The following AGXT2 variants were observed in gnomAD, a reference collection of about 807,000 sequenced individuals.
AGXT2 encodes alanine--glyoxylate aminotransferase 2, mitochondrial.
In AGXT2, 61 loss-of-function variants were observed where a neutral mutation model predicts 62.5. The observed-to-expected ratio is 0.98, with a 90% CI of 0.79 to 1.21. AGXT2 has a LOEUF of 1.21. Ranked by LOEUF, AGXT2 falls within the 50% of genes most tolerant of loss-of-function variation. The pLI, the probability that AGXT2 is intolerant of heterozygous loss-of-function variation, is 0.00. For missense variants in AGXT2, 666 were observed against 641.5 expected, an observed-to-expected ratio of 1.04 and a Z score of -0.41; for synonymous variants, 243 against 218.7, an observed-to-expected ratio of 1.11 and a Z score of -0.98.
intron 7 of AGXT2, among the ~76,000 whole-genome samples, chr5:35,030,062 T>G (rs1767503478): frequency 6.6e-6 from 1 of 152,216 alleles, no homozygotes; most frequent in Admixed American, 6.5e-5. Flanking sequence ...GTTTGGATGC[T>G]TTTGTAAACA....
rs548909076 is a variant in AGXT2 at position 35,021,664 on chromosome 5, C to G, written c.963+4099G>C. Among the ~76,000 whole-genome samples, 30 of 152,240 alleles carry G rather than the reference C, an allele frequency of 2.0e-4. No homozygotes were observed. In the East Asian group the frequency reaches 5.4e-3, roughly 27 times the overall value. On this transcript the variant is annotated intron_variant, in intron 9 of 13. Coordinates refer to ENST00000231420, the MANE Select transcript of AGXT2 (RefSeq NM_031900.4). ...TTACCATTCAGGACACAGGCATGGG[C>G]AAGGACTTCATGTCTAAAACGCCAA...
At chr5:35,020,115 A>G (rs966496933) in intron 9 of AGXT2, among the ~76,000 whole-genome samples, 1 of 152,168 alleles carries the variant, frequency 6.6e-6, no homozygotes, top group Admixed American at 6.5e-5. Context: ...CAGGACCAGA[A>G]GGATTCACAG....
At chr5:35,033,038 A>T in intron 6 of AGXT2, 1 of 561,704 alleles carries the variant, frequency 1.8e-6, no homozygotes, top group Non-Finnish European at 3.2e-6. Flanking sequence ...ACTGATTTCA[A>T]TGTTAGCCTG....
At position 35,039,316 on chromosome 5, in the gene AGXT2, A is replaced by T. The variant is rs752925457; in HGVS notation, c.362+8T>A. 1.9e-6 allele frequency: 3 copies of T among 1,613,504 alleles called. No homozygotes were observed. In the African/African-American group the frequency reaches 4.0e-5, roughly 22 times the overall value. ...GAATAAAAATCTCCAGATTTTAAGGATACTCACGGGTGGCAATGGCCAACA... is the reference window on the plus strand; with the variant it reads ...GAATAAAAATCTCCAGATTTTAAGGTTACTCACGGGTGGCAATGGCCAACA... On this transcript the variant is annotated splice_region_variant and intron_variant, in intron 3 of 13. Transcript: ENST00000231420.
chr5:35,034,547 G>A (rs1767696074), intron 5 of AGXT2, among the ~76,000 whole-genome samples: 1 of 152,160 alleles, frequency 6.6e-6, no homozygotes, highest in African/African-American at 2.4e-5. Flanking sequence ...AGCCACTCCT[G>A]TCTTTTACAT....
chr5:35,005,419 G>A (rs1470070630), intron 12 of AGXT2, among the ~76,000 whole-genome samples: 1 of 152,086 alleles, frequency 6.6e-6, no homozygotes, highest in African/African-American at 2.4e-5. Flanking sequence ...AGTAGAGATG[G>A]GGTTTCACTA....
intron 13 of AGXT2, among the ~76,000 whole-genome samples, chr5:35,001,652 G>T (rs1057390703): frequency 6.6e-6 from 1 of 152,146 alleles, no homozygotes; most frequent in Non-Finnish European, 1.5e-5. Flanking sequence ...CTTCATACCA[G>T]CTCCACTGAC....
intron 13 of AGXT2, among the ~76,000 whole-genome samples, chr5:34,999,956 C>T (rs577716835): frequency 2.0e-5 from 3 of 152,208 alleles, no homozygotes; most frequent in Non-Finnish European, 2.9e-5. Flanking sequence ...GCTCTCATAA[C>T]CCCAATCTAG....
intron 1 of AGXT2, among the ~76,000 whole-genome samples, chr5:35,046,711 G>A (rs980328565): frequency 2.6e-5 from 4 of 152,186 alleles, no homozygotes; most frequent in Admixed American, 6.5e-5. Context: ...GAGGAAGGAA[G>A]GAGGGTGAAA....
At chr5:35,014,160 A>G in intron 9 of AGXT2, 41 bp from the exon 10 acceptor site, 1 of 1,613,224 alleles carries the variant, frequency 6.2e-7, no homozygotes, top group Non-Finnish European at 8.5e-7. Flanking sequence ...CCCTTCAAGA[A>G]ATGCTGTTTT....
intron 1 of AGXT2, among the ~76,000 whole-genome samples, chr5:35,045,490 G>A (rs1030853620): frequency 6.6e-6 from 1 of 152,078 alleles, no homozygotes; most frequent in Non-Finnish European, 1.5e-5. Flanking sequence ...TGGAATAGAG[G>A]GCAGGAGCTT....
chr5:35,007,706 G>A (rs1446186226), intron 12 of AGXT2, among the ~76,000 whole-genome samples: 2 of 152,116 alleles, frequency 1.3e-5, no homozygotes, highest in East Asian at 1.9e-4. Flanking sequence ...GAGAAAAAGA[G>A]CCCCTTCTAT....
chr5:35,044,364 T>C (rs965719368), intron 1 of AGXT2, among the ~76,000 whole-genome samples: 1 of 152,190 alleles, frequency 6.6e-6, no homozygotes, highest in Non-Finnish European at 1.5e-5. Context: ...GGGGCCGCAG[T>C]CTGCAGCACG....
intron 1 of AGXT2, 38 bp from the exon 2 acceptor site, chr5:35,040,701 GACATA>G (rs781665411): frequency 2.0e-6 from 3 of 1,505,104 alleles, no homozygotes; most frequent in Non-Finnish European, 2.8e-6. Context: ...AACTAAGCAT[GACATA>G]GGTCTGTTTG....
At chr5:35,039,714 T>C (rs1483082747) in intron 2 of AGXT2, among the ~76,000 whole-genome samples, 1 of 152,206 alleles carries the variant, frequency 6.6e-6, no homozygotes, top group East Asian at 1.9e-4. Context: ...ATTTGTAGCC[T>C]TTCGATCTCT....
At chr5:35,023,023 G>T (rs1767172507) in intron 9 of AGXT2, among the ~76,000 whole-genome samples, 1 of 150,312 alleles carries the variant, frequency 6.7e-6, no homozygotes. Flanking sequence ...TTTTTAATTA[G>T]TGAGTTTACT....
At chr5:35,003,668 G>T in intron 13 of AGXT2, 95 bp downstream of exon 13, 1 of 1,209,906 alleles carries the variant, frequency 8.3e-7, no homozygotes, top group Non-Finnish European at 1.2e-6. Context: ...CCAGCATTAG[G>T]ACATCTTCAC....
intron 7 of AGXT2, among the ~76,000 whole-genome samples, chr5:35,031,635 C>T (rs866677281): frequency 1.3e-5 from 2 of 152,148 alleles, no homozygotes; most frequent in African/African-American, 2.4e-5. Context: ...TCCTGTTAAG[C>T]GTAGGTAAAG....
rs1561238516 is a variant in AGXT2, at chr5:35,045,751, CTTTTTCTTTTTTCTTTTTT to C, written c.88+2035_88+2053del. Among the ~76,000 whole-genome samples the C allele has an allele frequency of 3.5e-4, 47 of 133,234 alleles. 2 individuals carry two copies. The highest frequency in any genetic ancestry group is 5.4e-4 in the Non-Finnish European group (34 of 63,486). 87.4% of individuals were successfully genotyped at this position (133,234 alleles called of 152,430 possible). ...TCAGTCTAGGTAGTGTGGTTTTTTTCTTTTTCTTTTTTCTTTTTTTTTTTTTTTTTTTTTGAGAAGGAGT... is the reference window on the plus strand; with the variant it reads ...TCAGTCTAGGTAGTGTGGTTTTTTTCTTTTTTTTTTTTTTTGAGAAGGAGT... On this transcript the variant is annotated intron_variant, in intron 1 of 13. Coordinates refer to ENST00000231420, the MANE Select transcript of AGXT2 (RefSeq NM_031900.4).
Sources: gnomAD v4.1 joint callset for allele counts (sites outside exome capture counted in the v4.1 genomes callset) on GRCh38, gnomAD v4.1.1 for gene constraint, MANE v1.5 for transcripts, NCBI Gene and HGNC (gene_info 2026-07-23, HGNC 2026-07-21) for gene names.